SPAG16: variants seen among roughly 807,000 people sequenced by gnomAD.
The protein encoded by SPAG16 is sperm associated antigen 16, also known as sperm-associated antigen 16 protein.
SPAG16 carries 86 observed loss-of-function variants against 80.4 expected under a neutral mutation model. That is an observed-to-expected ratio of 1.07 (90% CI 0.90 to 1.28). SPAG16 has a LOEUF of 1.28. Among genes scored for constraint, SPAG16 ranks in the 50% most tolerant of loss-of-function variants. The pLI, the probability that SPAG16 is intolerant of heterozygous loss-of-function variation, is 0.00. For missense variants in SPAG16, 870 were observed against 765.3 expected (o/e 1.14, Z -1.61); for synonymous variants, 294 against 265.9 (o/e 1.11, Z -1.03).
At chr2:214,244,821 G>T (rs184453784) in intron 15 of SPAG16, among the ~76,000 whole-genome samples, 18 of 151,992 alleles carry the variant, frequency 1.2e-4, no homozygotes, top group African/African-American at 4.1e-4. Context: ...TTTATTCAAC[G>T]TATATTTTTA....
chr2:213,339,901 C>G (rs1214901420), intron 5 of SPAG16, among the ~76,000 whole-genome samples: 1 of 152,032 alleles, frequency 6.6e-6, no homozygotes, highest in Non-Finnish European at 1.5e-5. Flanking sequence ...TGGCAGCATA[C>G]CTTTAATTTT....
chr2:213,826,853 T>C (rs2073335335), intron 10 of SPAG16, among the ~76,000 whole-genome samples: 1 of 152,042 alleles, frequency 6.6e-6, no homozygotes, highest in African/African-American at 2.4e-5. Flanking sequence ...TCTCTAGCTA[T>C]TTTTATATTG....
At chr2:214,375,380 A>C (rs10166554) in intron 15 of SPAG16, among the ~76,000 whole-genome samples, 16 of 152,078 alleles carry the variant, frequency 1.1e-4, no homozygotes, top group African/African-American at 3.9e-4. Flanking sequence ...GTAGGGCAAA[A>C]ATTTTTCTCT....
intron 15 of SPAG16, among the ~76,000 whole-genome samples, chr2:214,233,956 C>G (rs1688889740): frequency 1.3e-5 from 2 of 151,942 alleles, no homozygotes; most frequent in Admixed American, 1.3e-4. Flanking sequence ...AAACATGTGG[C>G]TTGCTACACA....
chr2:213,408,113 CAAAG>C (rs374764375), intron 9 of SPAG16, among the ~76,000 whole-genome samples: 36 of 137,364 alleles, frequency 2.6e-4, no homozygotes, highest in African/African-American at 9.7e-4. Context: ...AAAACAAAAA[CAAAG>C]AAAAAAAAAC....
At chr2:214,179,594 TCAGCA>T (rs1378505431) in intron 15 of SPAG16, among the ~76,000 whole-genome samples, 1 of 151,390 alleles carries the variant, frequency 6.6e-6, no homozygotes, top group Admixed American at 6.6e-5. Flanking sequence ...TTTTAGAGAA[TCAGCA>T]AATGTGGCAC....
intron 13 of SPAG16, among the ~76,000 whole-genome samples, chr2:214,101,125 T>A (rs1337910610): frequency 6.7e-6 from 1 of 149,328 alleles, no homozygotes; most frequent in South Asian, 2.1e-4. Flanking sequence ...GTCTGAAATA[T>A]GACTTTTGAT....
intron 10 of SPAG16, among the ~76,000 whole-genome samples, chr2:213,687,442 G>A (rs1054696008): frequency 6.6e-6 from 1 of 152,164 alleles, no homozygotes; most frequent in Non-Finnish European, 1.5e-5. Context: ...TTCTTGTAGT[G>A]TGGGGTTTGC....
chr2:214,021,256 A>C (rs2047851032), intron 13 of SPAG16, among the ~76,000 whole-genome samples: 1 of 152,200 alleles, frequency 6.6e-6, no homozygotes, highest in East Asian at 1.9e-4. Flanking sequence ...TAAAGATCCT[A>C]ATCATCAAAG....
Position 213,541,626 on chromosome 2 carries a change from GA to G in SPAG16, c.1070+51543del, listed in dbSNP as rs2076449621. 4.0e-5 allele frequency among the ~76,000 whole-genome samples: 6 copies of G among 151,804 alleles called. No individual in the cohort carries two copies. The South Asian group carries it at 1.2e-3, about 32-fold the overall frequency. On this transcript the variant is annotated intron_variant, in intron 10 of 15. Coordinates refer to ENST00000331683, the MANE Select transcript of SPAG16 (RefSeq NM_024532.5). Reference sequence around the variant, plus strand: ...CACAGACAGACTCCATCTCAAAAAAGAAAAAAATAATCTTGAAGATTGGAGG... The same window carrying G: ...CACAGACAGACTCCATCTCAAAAAAGAAAAAATAATCTTGAAGATTGGAGG...
At chr2:213,559,887 G>A (rs1394561972) in intron 10 of SPAG16, among the ~76,000 whole-genome samples, 1 of 151,730 alleles carries the variant, frequency 6.6e-6, no homozygotes, top group Non-Finnish European at 1.5e-5. Flanking sequence ...TTTAAACACG[G>A]CATTCTGATA....
chr2:214,267,135 T>C (rs1691631754), intron 15 of SPAG16, among the ~76,000 whole-genome samples: 1 of 151,260 alleles, frequency 6.6e-6, no homozygotes, highest in Non-Finnish European at 1.5e-5. Flanking sequence ...CTAAAGTAAC[T>C]TTTACCAAAA....
At chr2:214,278,059 G>C (rs540530341) in intron 15 of SPAG16, among the ~76,000 whole-genome samples, 4 of 152,294 alleles carry the variant, frequency 2.6e-5, no homozygotes, top group Admixed American at 2.0e-4. Context: ...GCAGGTCGCA[G>C]GTCAATCTCA....
At chr2:213,453,543 T>C (rs1421815408) in intron 9 of SPAG16, among the ~76,000 whole-genome samples, 2 of 152,190 alleles carry the variant, frequency 1.3e-5, no homozygotes, top group Non-Finnish European at 2.9e-5. Context: ...AATGGGGAAT[T>C]GTGGTAAAAG....
At chr2:213,869,708 A>G (rs1254777555) in intron 11 of SPAG16, among the ~76,000 whole-genome samples, 2 of 150,102 alleles carry the variant, frequency 1.3e-5, no homozygotes, top group Non-Finnish European at 3.0e-5. Context: ...AAAAGTGTTA[A>G]AAAGAAAATA....
At chr2:213,349,339 A>T (rs1047761824) in intron 6 of SPAG16, among the ~76,000 whole-genome samples, 1 of 152,210 alleles carries the variant, frequency 6.6e-6, no homozygotes, top group Non-Finnish European at 1.5e-5. Flanking sequence ...TCAATAAAAT[A>T]GCAAATGGAC....
intron 11 of SPAG16, among the ~76,000 whole-genome samples, chr2:213,904,600 CAAAAAAA>C (rs34952255): frequency 7.8e-5 from 7 of 89,468 alleles, no homozygotes; most frequent in East Asian, 3.5e-4. Context: ...ATAAATTTTG[CAAAAAAA>C]AAAAAAAAAA....
chr2:213,644,762 A>G (rs555094275), intron 10 of SPAG16, among the ~76,000 whole-genome samples: 15 of 152,252 alleles, frequency 9.9e-5, no homozygotes, highest in African/African-American at 3.6e-4. Flanking sequence ...TAACATAAGC[A>G]CCACTGTGGC....
chr2:213,909,248 A>G (rs1575522658), intron 11 of SPAG16, among the ~76,000 whole-genome samples: 1 of 152,126 alleles, frequency 6.6e-6, no homozygotes, highest in East Asian at 1.9e-4. Flanking sequence ...AAATGGAAGA[A>G]CATTCCATGC....
Sources: allele counts gnomAD v4.1 joint callset (sites outside exome capture counted in the v4.1 genomes callset), GRCh38; gene constraint gnomAD v4.1.1; transcripts MANE v1.5; gene names NCBI Gene and HGNC (gene_info 2026-07-23, HGNC 2026-07-21).